Variants in ATAD1 observed in about 807,000 individuals in gnomAD.
ATAD1 encodes the protein ATPase family AAA domain containing 1.
A neutral mutation model predicts 42.7 loss-of-function variants in ATAD1; 18 were observed. The ratio of observed to expected loss-of-function variants is 0.42; its 90% CI spans 0.29 to 0.63. The LOEUF is 0.63. Among genes scored for constraint, ATAD1 ranks in the 20% least tolerant of loss-of-function variants. The probability of loss-of-function intolerance (pLI) is 0.19; values close to 1 mark genes in which losing one functional copy is unlikely to be tolerated. For synonymous variants in ATAD1, 132 were observed against 143.1 expected (o/e 0.92, Z 0.55); for missense variants, 294 against 440.4 (o/e 0.67, Z 2.98).
At chr10:87,802,758 A>C (rs1404023809) in intron 2 of ATAD1, among the ~76,000 whole-genome samples, 1 of 152,236 alleles carries the variant, frequency 6.6e-6, no homozygotes, top group African/African-American at 2.4e-5. Context: ...TTTAGTGAAA[A>C]TGAGAAACTG....
chr10:87,809,916 G>T (rs1857105200), intron 2 of ATAD1, among the ~76,000 whole-genome samples: 2 of 152,044 alleles, frequency 1.3e-5, no homozygotes, highest in Non-Finnish European at 2.9e-5. Context: ...AAAGTGCTAG[G>T]ATTACAGGTG....
At chr10:87,839,242 C>T (rs1185428115) in intron 1 of ATAD1, among the ~76,000 whole-genome samples, 1 of 152,090 alleles carries the variant, frequency 6.6e-6, no homozygotes, top group Admixed American at 6.5e-5. Flanking sequence ...CTTCAGTCAC[C>T]TTGACTAAAT....
At chr10:87,790,016 T>C (rs1856020401) in intron 4 of ATAD1, among the ~76,000 whole-genome samples, 1 of 152,184 alleles carries the variant, frequency 6.6e-6, no homozygotes, top group Non-Finnish European at 1.5e-5. Flanking sequence ...AAACTTGTAT[T>C]ATGACTTTGA....
intron 1 of ATAD1, chr10:87,814,994 T>C (rs1291820869): frequency 6.5e-6 from 1 of 152,786 alleles, no homozygotes; most frequent in East Asian, 1.9e-4. Flanking sequence ...CCAACAATAC[T>C]AATGTGACGG....
intron 1 of ATAD1, among the ~76,000 whole-genome samples, chr10:87,840,342 C>T (rs111661989): frequency 0.017 from 2,567 of 152,096 alleles, 29 homozygotes; most frequent in Non-Finnish European, 0.027. Flanking sequence ...AAAAATTAGC[C>T]GGGTGTTGTG....
At position 87,777,598 on chromosome 10, in the gene ATAD1, A is replaced by T. The variant is rs546079715; in HGVS notation, c.584-1171T>A. On this transcript the variant is annotated intron_variant, in intron 5 of 9. Coordinates refer to ENST00000680024, the MANE Select transcript of ATAD1 (RefSeq NM_001321967.2). ...GAAAGGTGCTACATCCTAATAATTT[A>T]AAAAAAAAAACAGTAAAAATAAATC... is the stretch of plus-strand genomic sequence containing the variant. Among the ~76,000 whole-genome samples, 56 of 146,010 alleles carry T rather than the reference A, an allele frequency of 3.8e-4. No homozygotes were observed. The East Asian group carries it at 7.3e-3, about 19-fold the overall frequency.
chr10:87,780,466 T>A (rs1345249544), intron 5 of ATAD1, among the ~76,000 whole-genome samples: 1 of 152,200 alleles, frequency 6.6e-6, no homozygotes, highest in African/African-American at 2.4e-5. Flanking sequence ...ACTGGTTCAT[T>A]ATTAAATGTC....
chr10:87,832,734 G>C (rs1589578168), intron 1 of ATAD1: 2 of 151,912 alleles, frequency 1.3e-5, no homozygotes, highest in African/African-American at 4.8e-5. Context: ...TTACAAATTT[G>C]TTTTGTGAGT....
intron 1 of ATAD1, among the ~76,000 whole-genome samples, chr10:87,827,932 A>G (rs1857758575): frequency 6.6e-6 from 1 of 152,006 alleles, no homozygotes; most frequent in Non-Finnish European, 1.5e-5. Context: ...TGGTGAATGC[A>G]AAGGAAAAGT....
rs547169318 is a variant in ATAD1, at chr10:87,762,525, C to T, written c.831+5148G>A. 3.3e-4 allele frequency among the ~76,000 whole-genome samples: 50 copies of T among 151,456 alleles called. No homozygotes were observed. The South Asian group carries it at 4.0e-3, about 12-fold the overall frequency. On this transcript the variant is annotated intron_variant, in intron 8 of 9. Coordinates refer to ENST00000680024, the MANE Select transcript of ATAD1 (RefSeq NM_001321967.2). ...AGTCACCCAGGCTGGAGTACAGTGG[C>T]GCGATCTCGGCTCACTGCAACCTCT...
chr10:87,829,227 TTTATTTA>T (rs1413879065), intron 1 of ATAD1, among the ~76,000 whole-genome samples: 5 of 129,696 alleles, frequency 3.9e-5, no homozygotes, highest in African/African-American at 1.4e-4. Context: ...GATTCATTAT[TTTATTTA>T]TTATTTATTT....
intron 8 of ATAD1, among the ~76,000 whole-genome samples, chr10:87,766,077 A>C (rs1045929064): frequency 2.0e-5 from 3 of 151,840 alleles, no homozygotes; most frequent in Non-Finnish European, 4.4e-5. Flanking sequence ...CAGAGAGATA[A>C]CCATTTTCTA....
intron 2 of ATAD1, among the ~76,000 whole-genome samples, chr10:87,797,691 GGTGAATGAGAGCTACAAGT>G (rs1856464430): frequency 6.6e-6 from 1 of 152,142 alleles, no homozygotes; most frequent in South Asian, 2.1e-4. Context: ...TGTGTGTAAT[GGTGAATGAGAGCTACAAGT>G]TAGGGGTGGC....
intron 1 of ATAD1, among the ~76,000 whole-genome samples, chr10:87,817,315 C>T (rs1035411084): frequency 9.2e-5 from 14 of 152,296 alleles, no homozygotes; most frequent in African/African-American, 3.4e-4. Context: ...TATTTCAATC[C>T]TGTATAAACA....
chr10:87,802,743 T>C (rs150540447), intron 2 of ATAD1, among the ~76,000 whole-genome samples: 3 of 152,218 alleles, frequency 2.0e-5, no homozygotes, highest in Non-Finnish European at 2.9e-5. Flanking sequence ...CTACCATAAT[T>C]TGTCTTTAGT....
rs74146211 is a variant in ATAD1, at chr10:87,791,939, G to A, written c.261+718C>T. Among the ~76,000 whole-genome samples the A allele has an allele frequency of 8.4e-3, 1,279 of 152,220 alleles. 15 individuals carry two copies. Among genetic ancestry groups the A allele is most frequent in the African/African-American group, 0.028 (1,176 of 41,534 alleles). The stretch of plus-strand genomic sequence containing the variant: ...GAAAACCTGGGATTTAGTATCCTGT[G>A]TTATCATACCATATTATGAAAATTT... On this transcript the variant is annotated intron_variant, in intron 3 of 9. Transcript: ENST00000680024.
In ATAD1 at chr10:87,754,647, A is replaced by G. The variant is rs1564735356; in HGVS notation, c.*40T>C. On this transcript the variant is annotated 3_prime_UTR_variant, in exon 10 of 10. Transcript: ENST00000680024. ...TTTCCACTAACTGATAAGAGGACAC[A>G]CCAAACTAGATCACTGAACTGTACA... 1.9e-6 allele frequency: 3 copies of G among 1,593,704 alleles called. No individual in the cohort carries two copies. Among genetic ancestry groups the G allele is most frequent in the Non-Finnish European group, 2.6e-6 (3 of 1,167,266 alleles).
chr10:87,800,879 G>C (rs963535607), intron 2 of ATAD1, among the ~76,000 whole-genome samples: 2 of 152,112 alleles, frequency 1.3e-5, no homozygotes, highest in East Asian at 1.9e-4. Context: ...AGAAGAGGCG[G>C]GCATGTGAAA....
intron 1 of ATAD1, among the ~76,000 whole-genome samples, chr10:87,828,288 A>G (rs1004893564): frequency 6.6e-6 from 1 of 152,208 alleles, no homozygotes; most frequent in African/African-American, 2.4e-5. Flanking sequence ...AGGAAATTCA[A>G]AGTGTTACTC....
Sources: allele counts gnomAD v4.1 joint callset (sites outside exome capture counted in the v4.1 genomes callset), GRCh38; gene constraint gnomAD v4.1.1; transcripts MANE v1.5; gene names NCBI Gene and HGNC (gene_info 2026-07-23, HGNC 2026-07-21).